Variants in MEIS2 observed in about 807,000 individuals in gnomAD.
MEIS2 encodes the protein homeobox protein Meis2.
A neutral mutation model predicts 58.6 loss-of-function variants in MEIS2; 9 were observed. The observed-to-expected ratio is 0.15, with a 90% CI of 0.09 to 0.27. The LOEUF is 0.27. Among genes scored for constraint, MEIS2 ranks in the 10% least tolerant of loss-of-function variants. The pLI is 1.00. For missense variants in MEIS2, 427 were observed against 635.0 expected (o/e 0.67, Z 3.52); for synonymous variants, 221 against 228.4 (o/e 0.97, Z 0.29).
At chr15:36,997,966 C>T (rs564729600) in intron 8 of MEIS2, among the ~76,000 whole-genome samples, 39 of 152,338 alleles carry the variant, frequency 2.6e-4, no homozygotes, top group South Asian at 8.3e-4. Flanking sequence ...CTTGCCCTAT[C>T]CCCTGTCATA....
intron 6 of MEIS2, among the ~76,000 whole-genome samples, chr15:37,092,881 T>C (rs1362815415): frequency 2.0e-5 from 3 of 151,972 alleles, no homozygotes; most frequent in East Asian, 1.9e-4. Flanking sequence ...ACTGTTAAAG[T>C]GTTAAAATTC....
intron 2 of MEIS2, 50 bp from the exon 3 acceptor site, chr15:37,096,480 G>C (rs958047534): frequency 6.3e-7 from 1 of 1,590,086 alleles, no homozygotes; most frequent in Non-Finnish European, 8.6e-7. Context: ...GGGGTGCAGA[G>C]GGGAAGGAGC....
intron 9 of MEIS2, among the ~76,000 whole-genome samples, chr15:36,899,967 C>T (rs80351759): frequency 0.027 from 4,121 of 152,228 alleles, 197 homozygotes; most frequent in African/African-American, 0.093. Context: ...AACCAAAATG[C>T]AGCAAGCTGC....
rs898801393 is a variant in MEIS2, at chr15:36,976,178, G to A, written c.901-25778C>T. On this transcript the variant is annotated intron_variant, in intron 8 of 11. Coordinates refer to ENST00000561208, the MANE Select transcript of MEIS2 (RefSeq NM_170675.5). ...CGGCTCCCTGCAACCTCCGCCTCTC[G>A]GGTTCAAGCAACTCTCCTGCCTCAT... 4.6e-5 allele frequency among the ~76,000 whole-genome samples: 7 copies of A among 151,808 alleles called. No homozygotes were observed. The South Asian group carries it at 8.3e-4, about 18-fold the overall frequency.
chr15:37,055,368 G>A (rs1027059965), intron 7 of MEIS2, among the ~76,000 whole-genome samples: 2 of 152,144 alleles, frequency 1.3e-5, no homozygotes, highest in Admixed American at 1.3e-4. Flanking sequence ...AGGCACTGAT[G>A]AAATACTTGT....
At chr15:36,920,728 T>C (rs1446204960) in intron 9 of MEIS2, among the ~76,000 whole-genome samples, 1 of 152,222 alleles carries the variant, frequency 6.6e-6, no homozygotes, top group African/African-American at 2.4e-5. Flanking sequence ...ATGAGAACTA[T>C]ACTCTCTGAA....
chr15:37,057,247 A>G (rs1888556121), intron 7 of MEIS2, among the ~76,000 whole-genome samples: 1 of 152,236 alleles, frequency 6.6e-6, no homozygotes, highest in African/African-American at 2.4e-5. Flanking sequence ...GTTCAAACTG[A>G]GAAGAATCTC....
intron 8 of MEIS2, among the ~76,000 whole-genome samples, chr15:37,029,087 C>T (rs554867333): frequency 1.4e-4 from 21 of 152,246 alleles, no homozygotes; most frequent in South Asian, 6.2e-4. Flanking sequence ...CCAGTTCAGA[C>T]GATCTCTAGT....
intron 8 of MEIS2, among the ~76,000 whole-genome samples, chr15:36,991,782 T>TC (rs2060292102): frequency 1.5e-5 from 1 of 66,016 alleles, no homozygotes; most frequent in Non-Finnish European, 3.0e-5. Context: ...TTTTTTTTTT[T>TC]CTTTTTTTTT....
At chr15:36,944,775 G>A (rs1196670416) in intron 9 of MEIS2, among the ~76,000 whole-genome samples, 2 of 152,020 alleles carry the variant, frequency 1.3e-5, no homozygotes, top group South Asian at 2.1e-4. Flanking sequence ...ACAAATGGCC[G>A]CGGTGGAAAT....
rs546013961 is a variant in MEIS2 at position 36,969,940 on chromosome 15, A to G, written c.901-19540T>C. Among the ~76,000 whole-genome samples the G allele has an allele frequency of 6.6e-5, 10 of 152,208 alleles. No individual in the cohort carries two copies. The South Asian group carries it at 2.1e-3, about 32-fold the overall frequency. The stretch of plus-strand genomic sequence containing the variant: ...AAAAAAGTACAGATATAAGAAAACT[A>G]TACAGGGCCCTTGTCTTCAAATATT... On this transcript the variant is annotated intron_variant, in intron 8 of 11. Transcript: ENST00000561208.
intron 8 of MEIS2, among the ~76,000 whole-genome samples, chr15:36,956,113 G>A (rs568524502): frequency 1.7e-3 from 242 of 146,496 alleles, no homozygotes; most frequent in African/African-American, 5.5e-3. Flanking sequence ...GGAGAATGGC[G>A]TGAACCCGGG....
At chr15:36,906,404 A>G (rs1438001902) in intron 9 of MEIS2, among the ~76,000 whole-genome samples, 1 of 152,094 alleles carries the variant, frequency 6.6e-6, no homozygotes, top group African/African-American at 2.4e-5. Flanking sequence ...GAAGTAGGGT[A>G]TTTGGTTGGG....
chr15:36,910,926 T>C (rs1478511523), intron 9 of MEIS2, among the ~76,000 whole-genome samples: 1 of 151,232 alleles, frequency 6.6e-6, no homozygotes, highest in African/African-American at 2.4e-5. Context: ...GCGCCTGTAC[T>C]CCCGGCTATT....
chr15:36,934,734 C>T (rs1567072909), intron 9 of MEIS2, among the ~76,000 whole-genome samples: 1 of 152,134 alleles, frequency 6.6e-6, no homozygotes, highest in Non-Finnish European at 1.5e-5. Context: ...AAAAATCTTC[C>T]AAGTGTATGT....
At chr15:36,924,745 C>T (rs995861882) in intron 9 of MEIS2, among the ~76,000 whole-genome samples, 6 of 152,166 alleles carry the variant, frequency 3.9e-5, no homozygotes, top group Non-Finnish European at 7.3e-5. Flanking sequence ...GCATCTAGGC[C>T]CCACAAATCG....
intron 6 of MEIS2, among the ~76,000 whole-genome samples, chr15:37,090,042 T>C (rs917442937): frequency 6.6e-6 from 1 of 152,130 alleles, no homozygotes; most frequent in Non-Finnish European, 1.5e-5. Context: ...ATGATAAATT[T>C]GAATGTCTAG....
intron 11 of MEIS2, among the ~76,000 whole-genome samples, 156 bp from the exon 12 acceptor site, chr15:36,892,615 T>C (rs1199157195): frequency 5.3e-5 from 8 of 151,684 alleles, no homozygotes; most frequent in Non-Finnish European, 1.2e-4. Context: ...TTTGCAGACA[T>C]TCAAATTGTA....
intron 7 of MEIS2, among the ~76,000 whole-genome samples, chr15:37,045,800 G>A (rs2062641785): frequency 6.6e-6 from 1 of 152,166 alleles, no homozygotes; most frequent in African/African-American, 2.4e-5. Flanking sequence ...GAGGGAAGCA[G>A]AAGAGATGAA....
Sources: gnomAD v4.1 joint callset for allele counts (sites outside exome capture counted in the v4.1 genomes callset) on GRCh38, gnomAD v4.1.1 for gene constraint, MANE v1.5 for transcripts, NCBI Gene and HGNC (gene_info 2026-07-23, HGNC 2026-07-21) for gene names.